ANKFN1: variants seen among roughly 807,000 people sequenced by gnomAD.
ANKFN1 encodes the protein ankyrin repeat and fibronectin type III domain containing 1.
ANKFN1 carries 74 observed loss-of-function variants against 108.7 expected under a neutral mutation model. The ratio of observed to expected loss-of-function variants is 0.68; its 90% CI spans 0.56 to 0.83. The LOEUF (loss-of-function observed/expected upper bound fraction) is 0.83, where lower values mean the gene tolerates loss of function less well. ANKFN1 is among the 40% of genes least tolerant of loss of function. ANKFN1 has a pLI of 0.00. For missense variants in ANKFN1, 1,505 were observed against 1,382.3 expected (o/e 1.09, Z -1.41); for synonymous variants, 547 against 516.2 (o/e 1.06, Z -0.81).
chr17:56,146,067 G>A (rs1414059423), intron 4 of ANKFN1, among the ~76,000 whole-genome samples: 1 of 152,180 alleles, frequency 6.6e-6, no homozygotes, highest in Non-Finnish European at 1.5e-5. Context: ...AAACTAAGGG[G>A]CTACAGGCCC....
intron 3 of ANKFN1, among the ~76,000 whole-genome samples, chr17:56,245,969 C>G (rs773350748): frequency 1.3e-5 from 2 of 152,138 alleles, no homozygotes; most frequent in African/African-American, 4.8e-5. Flanking sequence ...TGGACCTCTT[C>G]CCCTGAATCA....
intron 1 of ANKFN1, among the ~76,000 whole-genome samples, chr17:56,187,106 G>A (rs1264372422): frequency 6.6e-6 from 1 of 152,166 alleles, no homozygotes; most frequent in Non-Finnish European, 1.5e-5. Context: ...AAACTAAGGA[G>A]CGTCTGCACA....
intron 8 of ANKFN1, among the ~76,000 whole-genome samples, chr17:56,403,493 G>T (rs553505444): frequency 5.9e-5 from 9 of 151,958 alleles, no homozygotes; most frequent in African/African-American, 1.7e-4. Flanking sequence ...CTTGCTTTTC[G>T]TGTCCATTTA....
intron 1 of ANKFN1, among the ~76,000 whole-genome samples, chr17:56,160,715 T>C (rs1367400015): frequency 2.0e-5 from 3 of 152,200 alleles, no homozygotes; most frequent in East Asian, 3.8e-4. Flanking sequence ...ATGGTAAGTA[T>C]GAAATCCCAT....
intron 1 of ANKFN1, chr17:56,174,391 C>G: frequency 1.2e-5 from 12 of 985,628 alleles, no homozygotes; most frequent in Non-Finnish European, 1.4e-5. Flanking sequence ...GAGGAGGGAG[C>G]AGAGGCTGAG....
intron 3 of ANKFN1, among the ~76,000 whole-genome samples, chr17:56,259,581 A>G (rs1213704089): frequency 6.6e-6 from 1 of 152,086 alleles, no homozygotes; most frequent in East Asian, 1.9e-4. Context: ...TAGAATGACC[A>G]TAAGCTACTA....
At chr17:56,129,901 G>C (rs1907175110) in intron 4 of ANKFN1, among the ~76,000 whole-genome samples, 1 of 152,104 alleles carries the variant, frequency 6.6e-6, no homozygotes, top group Non-Finnish European at 1.5e-5. Context: ...AGAAAACAGA[G>C]CCTCCCTGTT....
intron 8 of ANKFN1, among the ~76,000 whole-genome samples, chr17:56,419,614 C>A (rs1187527599): frequency 1.3e-5 from 2 of 151,826 alleles, no homozygotes; most frequent in East Asian, 3.9e-4. Flanking sequence ...GGCAACCTAG[C>A]AAGACCCTAT....
chr17:56,391,824 T>A (rs755084435), intron 8 of ANKFN1, among the ~76,000 whole-genome samples: 3 of 152,210 alleles, frequency 2.0e-5, no homozygotes, highest in Non-Finnish European at 4.4e-5. Context: ...CCCACCAGGC[T>A]GTAAGTCTCA....
intron 4 of ANKFN1, among the ~76,000 whole-genome samples, chr17:56,140,388 A>G (rs998507032): frequency 2.0e-5 from 3 of 152,142 alleles, no homozygotes; most frequent in Non-Finnish European, 4.4e-5. Context: ...TATCCCCTGC[A>G]TGGCACCATA....
chr17:56,264,707 T>A (rs2043605313), intron 3 of ANKFN1, among the ~76,000 whole-genome samples: 2 of 152,190 alleles, frequency 1.3e-5, no homozygotes. Flanking sequence ...TAACCTTAGC[T>A]CTGCCACTTT....
At chr17:56,227,722 A>C (rs1165830580) in intron 2 of ANKFN1, among the ~76,000 whole-genome samples, 195 bp from the exon 3 acceptor site, 1 of 152,092 alleles carries the variant, frequency 6.6e-6, no homozygotes, top group Admixed American at 6.6e-5. Flanking sequence ...AGCAGCTAGC[A>C]TGAATGTTTT....
chr17:56,188,594 T>TATATAC (rs1912535209), intron 1 of ANKFN1, among the ~76,000 whole-genome samples: 1 of 128,202 alleles, frequency 7.8e-6, no homozygotes, highest in Non-Finnish European at 1.6e-5. Flanking sequence ...TATATATATA[T>TATATAC]ATATATATAT....
At chr17:56,112,041 C>T (rs972909434) in intron 4 of ANKFN1, among the ~76,000 whole-genome samples, 3 of 152,170 alleles carry the variant, frequency 2.0e-5, no homozygotes, top group African/African-American at 7.2e-5. Flanking sequence ...AAATTATCTT[C>T]ACCTTATAGA....
intron 1 of ANKFN1, among the ~76,000 whole-genome samples, chr17:56,170,807 TACACACACAC>T (rs112596144): frequency 8.1e-5 from 5 of 61,452 alleles, no homozygotes; most frequent in Non-Finnish European, 1.4e-4. Flanking sequence ...TATATATATA[TACACACACAC>T]ACACACACAC....
At chr17:56,455,551 A>T (rs2049659085) in intron 11 of ANKFN1, among the ~76,000 whole-genome samples, 1 of 152,166 alleles carries the variant, frequency 6.6e-6, no homozygotes, top group Admixed American at 6.5e-5. Context: ...AGTCATATGG[A>T]CCATATTCTC....
intron 19 of ANKFN1, among the ~76,000 whole-genome samples, chr17:56,494,308 A>G (rs2051128190): frequency 6.6e-6 from 1 of 152,174 alleles, no homozygotes. Context: ...CAAAACATTT[A>G]CTTCATTGAT....
intron 15 of ANKFN1, among the ~76,000 whole-genome samples, chr17:56,467,799 A>G (rs1374297458): frequency 6.5e-4 from 13 of 20,154 alleles, no homozygotes; most frequent in African/African-American, 2.5e-3. Context: ...AAGAAGAAAG[A>G]AAGAAAGAAA....
intron 3 of ANKFN1, among the ~76,000 whole-genome samples, chr17:56,243,826 A>G (rs569703200): frequency 6.9e-4 from 105 of 152,238 alleles, no homozygotes; most frequent in African/African-American, 2.3e-3. Context: ...TTAATCTCCA[A>G]ATGAACTAAG....
Sources: allele counts gnomAD v4.1 joint callset (sites outside exome capture counted in the v4.1 genomes callset), GRCh38; gene constraint gnomAD v4.1.1; transcripts MANE v1.5; gene names NCBI Gene and HGNC (gene_info 2026-07-23, HGNC 2026-07-21).